LINGO2: variants seen among roughly 807,000 people sequenced by gnomAD.
LINGO2 encodes the protein leucine-rich repeat and immunoglobulin-like domain-containing nogo receptor-interacting protein 2.
LINGO2 carries 14 observed loss-of-function variants against 30.6 expected under a neutral mutation model. The ratio of observed to expected loss-of-function variants is 0.46; its 90% CI spans 0.30 to 0.72. The LOEUF (loss-of-function observed/expected upper bound fraction) is 0.72, where lower values mean the gene tolerates loss of function less well. Ranked by LOEUF, LINGO2 falls within the 30% of genes least tolerant of loss-of-function variation. LINGO2 has a pLI of 0.07. For missense variants in LINGO2, 729 were observed against 751.7 expected (o/e 0.97, Z 0.35); for synonymous variants, 317 against 288.5 (o/e 1.10, Z -1.00).
chr9:28,475,735 A>C (rs564200375), intron 2 of LINGO2, among the ~76,000 whole-genome samples: 1 of 152,294 alleles, frequency 6.6e-6, no homozygotes, highest in Non-Finnish European at 1.5e-5. Context: ...CTACACAGCT[A>C]CTTTAAATCC....
chr9:28,168,151 G>A (rs898864511), intron 4 of LINGO2, among the ~76,000 whole-genome samples: 2 of 152,216 alleles, frequency 1.3e-5, no homozygotes, highest in Admixed American at 6.5e-5. Flanking sequence ...GTTTGAGCAG[G>A]GAGTGTGGTG....
At chr9:29,023,683 C>A in the LINGO2 span, among the ~76,000 whole-genome samples, 1 of 151,832 alleles carries the variant, frequency 6.6e-6, no homozygotes, top group South Asian at 2.1e-4. Flanking sequence ...TCATTTTAAT[C>A]AAGAAAAAAT....
the LINGO2 span, among the ~76,000 whole-genome samples, chr9:29,198,870 T>C: frequency 6.6e-6 from 1 of 152,104 alleles, no homozygotes; most frequent in Non-Finnish European, 1.5e-5. Context: ...GGGAGAAATA[T>C]TACGCATGTA....
At chr9:28,536,612 C>G (rs1444790997) in intron 1 of LINGO2, among the ~76,000 whole-genome samples, 1 of 152,066 alleles carries the variant, frequency 6.6e-6, no homozygotes, top group Non-Finnish European at 1.5e-5. Flanking sequence ...ATTGCCTTAA[C>G]AGTTGAATAT....
At chr9:29,100,365 G>A in the LINGO2 span, among the ~76,000 whole-genome samples, 551 of 152,080 alleles carry the variant, frequency 3.6e-3, 1 homozygote, top group Non-Finnish European at 6.1e-3. Context: ...CAGAGGCCGA[G>A]GCAGGCAGAT....
chr9:28,642,356 T>C (rs569732167), intron 1 of LINGO2, among the ~76,000 whole-genome samples: 1 of 152,250 alleles, frequency 6.6e-6, no homozygotes, highest in Admixed American at 6.5e-5. Context: ...CTTGTGACCA[T>C]TGTCCATAAT....
At chr9:29,211,596 C>T in the LINGO2 span, among the ~76,000 whole-genome samples, 1 of 148,984 alleles carries the variant, frequency 6.7e-6, no homozygotes. Flanking sequence ...TCTCTCTCTC[C>T]CTCCCTCCCT....
chr9:27,976,450 TAAGCA>T (rs1820599391), intron 5 of LINGO2, among the ~76,000 whole-genome samples: 2 of 152,100 alleles, frequency 1.3e-5, no homozygotes, highest in Non-Finnish European at 2.9e-5. Flanking sequence ...TGGTCTGGAT[TAAGCA>T]AACTGCTTAA....
intron 1 of LINGO2, among the ~76,000 whole-genome samples, chr9:28,641,501 G>A (rs892320450): frequency 3.3e-5 from 5 of 152,148 alleles, no homozygotes; most frequent in African/African-American, 4.8e-5. Context: ...TACCATTGCT[G>A]TAGCTGAATG....
chr9:27,980,532 C>A (rs147015804), intron 5 of LINGO2, among the ~76,000 whole-genome samples: 1 of 151,890 alleles, frequency 6.6e-6, no homozygotes, highest in Non-Finnish European at 1.5e-5. Context: ...ATGTTTTGAC[C>A]GCTGCTAACA....
chr9:27,987,276 C>G (rs2118985118), intron 5 of LINGO2, among the ~76,000 whole-genome samples: 1 of 151,706 alleles, frequency 6.6e-6, no homozygotes, highest in Non-Finnish European at 1.5e-5. Context: ...CAGGATATTT[C>G]CCTCCCTCCC....
At chr9:28,502,546 C>T (rs1020555031) in intron 1 of LINGO2, among the ~76,000 whole-genome samples, 12 of 152,046 alleles carry the variant, frequency 7.9e-5, no homozygotes, top group African/African-American at 1.4e-4. Context: ...TCATTTTAGC[C>T]GCACAATGAA....
intron 4 of LINGO2, among the ~76,000 whole-genome samples, chr9:28,152,804 A>G (rs1213480652): frequency 6.6e-6 from 1 of 152,200 alleles, no homozygotes; most frequent in Non-Finnish European, 1.5e-5. Context: ...AAACTTGGGG[A>G]CAGAAAATGC....
At chr9:28,937,671 T>C in the LINGO2 span, among the ~76,000 whole-genome samples, 2 of 152,104 alleles carry the variant, frequency 1.3e-5, no homozygotes, top group Non-Finnish European at 2.9e-5. Flanking sequence ...ACCAAGGAGG[T>C]GGTCCTACCC....
the LINGO2 span, among the ~76,000 whole-genome samples, chr9:28,746,902 A>G: frequency 6.6e-6 from 1 of 152,022 alleles, no homozygotes; most frequent in Non-Finnish European, 1.5e-5. Flanking sequence ...GAAAAAAATA[A>G]TGATATTGAC....
chr9:28,673,960 TA>T (rs544775236), upstream of LINGO2, among the ~76,000 whole-genome samples: 724 of 144,614 alleles, frequency 5.0e-3, 3 homozygotes, highest in Non-Finnish European at 7.6e-3. Context: ...AAAGAAAAAA[TA>T]AAAAAAAAAT....
chr9:29,131,123 C>T, the LINGO2 span, among the ~76,000 whole-genome samples: 1 of 152,088 alleles, frequency 6.6e-6, no homozygotes, highest in Non-Finnish European at 1.5e-5. Flanking sequence ...TGGATGGAAC[C>T]ACTTCCTTTG....
intron 5 of LINGO2, among the ~76,000 whole-genome samples, chr9:28,009,680 C>CT (rs1342210606): frequency 6.6e-6 from 1 of 152,098 alleles, no homozygotes; most frequent in African/African-American, 2.4e-5. Context: ...TTCACATCTG[C>CT]TAGATGGTTA....
At chr9:29,201,077 T>C in the LINGO2 span, among the ~76,000 whole-genome samples, 1 of 152,066 alleles carries the variant, frequency 6.6e-6, no homozygotes, top group African/African-American at 2.4e-5. Flanking sequence ...GGTTTCTGCA[T>C]TGTAACATTA....
Sources: gnomAD v4.1 joint callset for allele counts (sites outside exome capture counted in the v4.1 genomes callset) on GRCh38, gnomAD v4.1.1 for gene constraint, MANE v1.5 for transcripts, NCBI Gene and HGNC (gene_info 2026-07-23, HGNC 2026-07-21) for gene names.